The following KAZN variants were observed in gnomAD, a reference collection of about 807,000 sequenced individuals.
KAZN encodes kazrin.
A neutral mutation model predicts 87.4 loss-of-function variants in KAZN; 40 were observed. The ratio of observed to expected loss-of-function variants is 0.46; its 90% CI spans 0.36 to 0.60. The LOEUF (loss-of-function observed/expected upper bound fraction) is 0.60. Among genes scored for constraint, KAZN ranks in the 20% least tolerant of loss-of-function variants. The probability of loss-of-function intolerance (pLI) is 0.00; values close to 1 mark genes in which losing one functional copy is unlikely to be tolerated. For missense variants in KAZN, 898 were observed against 1,073.9 expected (o/e 0.84, Z 2.29); for synonymous variants, 466 against 458.3 (o/e 1.02, Z -0.22).
At chr1:14,424,901 T>A (rs760748637) in intron 2 of KAZN, among the ~76,000 whole-genome samples, 1 of 152,224 alleles carries the variant, frequency 6.6e-6, no homozygotes, top group Non-Finnish European at 1.5e-5. Context: ...AAATATACTT[T>A]GGTTTAACAT....
At chr1:14,438,551 C>T (rs574339373) in intron 2 of KAZN, among the ~76,000 whole-genome samples, 1 of 152,198 alleles carries the variant, frequency 6.6e-6, no homozygotes, top group East Asian at 1.9e-4. Context: ...GTGCAAAGGC[C>T]CTGGGGCAGG....
chr1:14,676,593 A>G (rs1640234243), intron 1 of KAZN, among the ~76,000 whole-genome samples: 1 of 152,248 alleles, frequency 6.6e-6, no homozygotes. Context: ...TGGTATATCC[A>G]TACAACGGAG....
Position 14,168,211 on chromosome 1 carries a change from C to T in KAZN, c.92-12224C>T, listed in dbSNP as rs980763754. On this transcript the variant is annotated intron_variant, in intron 1 of 16. Transcript: ENST00000636203. ...TTGTCAGAATCTACTTCTCACAGGG[C>T]GACTTTATTGTAACGCATTTTCTTG... Among the ~76,000 whole-genome samples, 14 of 152,270 alleles carry T rather than the reference C, an allele frequency of 9.2e-5. 1 individual carries two copies. In the South Asian group the frequency reaches 2.5e-3, roughly 27 times the overall value.
In KAZN at chr1:15,026,498, G is replaced by A. The variant is rs1231913266; in HGVS notation, c.419-8251G>A. Among the ~76,000 whole-genome samples, 6 of 152,260 alleles carry A rather than the reference G, an allele frequency of 3.9e-5. No homozygotes were observed. The East Asian group carries it at 7.7e-4, about 20-fold the overall frequency. ...ACCCTCATTATGCTGGGGGAAAACC[G>A]AGGCTTAGAGCGGGGGAAAAAAGCA... On this transcript the variant is annotated intron_variant, in intron 2 of 14. Transcript: ENST00000376030.
At chr1:14,399,866 C>A (rs1315943306) in intron 2 of KAZN, among the ~76,000 whole-genome samples, 1 of 152,308 alleles carries the variant, frequency 6.6e-6, no homozygotes, top group East Asian at 1.9e-4. Flanking sequence ...CTGTCTCCAA[C>A]TGGACCATGA....
At chr1:15,091,093 C>A (rs1202841061) in intron 8 of KAZN, among the ~76,000 whole-genome samples, 1 of 152,062 alleles carries the variant, frequency 6.6e-6, no homozygotes, top group African/African-American at 2.4e-5. Context: ...GAAAAGTATG[C>A]ACAGTCACAA....
intron 2 of KAZN, among the ~76,000 whole-genome samples, chr1:15,011,678 C>T (rs534010080): frequency 3.9e-5 from 6 of 152,248 alleles, no homozygotes; most frequent in South Asian, 4.1e-4. Flanking sequence ...AAAGTTTGCC[C>T]GGATGAATGA....
At chr1:14,702,730 A>G (rs1261469183) in intron 1 of KAZN, among the ~76,000 whole-genome samples, 1 of 152,174 alleles carries the variant, frequency 6.6e-6, no homozygotes, top group Non-Finnish European at 1.5e-5. Context: ...GCGGCAAACC[A>G]TTGTAATTGA....
intron 2 of KAZN, among the ~76,000 whole-genome samples, chr1:15,007,367 G>A (rs78409308): frequency 0.019 from 2,943 of 152,330 alleles, 90 homozygotes; most frequent in African/African-American, 0.068. Context: ...CAAATCTGGC[G>A]AGGGTTTTTC....
intron 2 of KAZN, among the ~76,000 whole-genome samples, chr1:14,463,427 A>G (rs1377622388): frequency 6.6e-6 from 1 of 152,136 alleles, no homozygotes; most frequent in Non-Finnish European, 1.5e-5. Flanking sequence ...TCTCCTCCAC[A>G]TCAAGTTTCC....
At chr1:14,176,577 T>C (rs1646080052) in intron 1 of KAZN, among the ~76,000 whole-genome samples, 1 of 152,142 alleles carries the variant, frequency 6.6e-6, no homozygotes, top group Non-Finnish European at 1.5e-5. Context: ...TTCTTTCTAG[T>C]CCATCCTTCT....
chr1:14,382,588 G>A (rs1345955971), intron 2 of KAZN, among the ~76,000 whole-genome samples: 3 of 148,148 alleles, frequency 2.0e-5, no homozygotes, highest in Admixed American at 6.8e-5. Context: ...TTGTTCTCGC[G>A]ATAGTTTACT....
intron 1 of KAZN, among the ~76,000 whole-genome samples, chr1:14,146,614 G>A (rs1645358254): frequency 6.7e-6 from 1 of 150,352 alleles, no homozygotes; most frequent in African/African-American, 2.4e-5. Context: ...AATCCTTGCA[G>A]GTGCAAAAAG....
At chr1:13,953,181 T>C (rs1641419343) in intron 1 of KAZN, among the ~76,000 whole-genome samples, 1 of 152,094 alleles carries the variant, frequency 6.6e-6, no homozygotes. Flanking sequence ...TTATCTCTCC[T>C]CTCACCCCTT....
At position 15,081,169 on chromosome 1, in the gene KAZN, T is replaced by C. The variant is rs147053869; in HGVS notation, c.1223-13011T>C. 5.2e-3 allele frequency among the ~76,000 whole-genome samples: 792 copies of C among 152,306 alleles called. 8 individuals carry two copies. The highest frequency in any genetic ancestry group is 0.018 in the African/African-American group (760 of 41,570). On this transcript the variant is annotated intron_variant, in intron 8 of 14. Transcript: ENST00000376030. The surrounding 1 kb of genome is among the most constrained non-coding windows in gnomAD (Gnocchi z 4.1). ...CCGTTCCTCCCTTCCTGCCTTCTTT[T>C]ACTCAATACTTAGAGGGCTCATTCA... is the stretch of plus-strand genomic sequence containing the variant.
At chr1:14,006,227 C>T (rs1320761555) in intron 1 of KAZN, among the ~76,000 whole-genome samples, 3 of 152,088 alleles carry the variant, frequency 2.0e-5, no homozygotes, top group African/African-American at 7.2e-5. Flanking sequence ...TTTTGCATTG[C>T]TATAAAGGAA....
At chr1:13,917,668 G>A (rs1252472906) in intron 1 of KAZN, among the ~76,000 whole-genome samples, 2 of 151,742 alleles carry the variant, frequency 1.3e-5, no homozygotes, top group African/African-American at 2.4e-5. Flanking sequence ...GTGTAGTGAT[G>A]CAGCTGTGGT....
chr1:14,060,863 C>T (rs1272473547), intron 1 of KAZN, among the ~76,000 whole-genome samples: 2 of 152,140 alleles, frequency 1.3e-5, no homozygotes, highest in East Asian at 1.9e-4. Flanking sequence ...GTTTGGTCAC[C>T]CTCCATGTAA....
At chr1:15,052,127 G>T (rs934646896) in intron 4 of KAZN, among the ~76,000 whole-genome samples, 1 of 152,056 alleles carries the variant, frequency 6.6e-6, no homozygotes, top group South Asian at 2.1e-4. Flanking sequence ...AGGATCTAAT[G>T]CATGTGTGTG....
Sources: gnomAD v4.1 joint callset for allele counts (sites outside exome capture counted in the v4.1 genomes callset) on GRCh38, gnomAD v4.1.1 for gene constraint, Gnocchi (gnomAD v3.1) non-coding constraint, MANE v1.5 for transcripts, NCBI Gene and HGNC (gene_info 2026-07-23, HGNC 2026-07-21) for gene names.